PRKAR2B: variants seen among roughly 807,000 people sequenced by gnomAD.
PRKAR2B encodes the protein protein kinase cAMP-dependent type II regulatory subunit beta, also known as cAMP-dependent protein kinase type II-beta regulatory subunit.
In PRKAR2B, 14 loss-of-function variants were observed where a neutral mutation model predicts 49.9. The observed-to-expected ratio is 0.28, with a 90% CI of 0.19 to 0.44. PRKAR2B has a LOEUF of 0.44. Among genes scored for constraint, PRKAR2B ranks in the 20% least tolerant of loss-of-function variants. The pLI is 1.00. For missense variants in PRKAR2B, 393 were observed against 537.9 expected (o/e 0.73, Z 2.67); for synonymous variants, 196 against 197.7 (o/e 0.99, Z 0.07).
chr7:107,108,722 T>C (rs553381601), intron 2 of PRKAR2B, among the ~76,000 whole-genome samples: 2 of 152,336 alleles, frequency 1.3e-5, no homozygotes, highest in African/African-American at 2.4e-5. Context: ...TACAGCCTTA[T>C]AGAGTTAGAG....
intron 2 of PRKAR2B, among the ~76,000 whole-genome samples, chr7:107,120,771 A>G (rs1052500679): frequency 1.3e-5 from 2 of 152,072 alleles, no homozygotes; most frequent in African/African-American, 2.4e-5. Context: ...AAAAATAAAT[A>G]TGCATAATCT....
chr7:107,116,321 C>A (rs1384554607), intron 2 of PRKAR2B, among the ~76,000 whole-genome samples: 1 of 152,170 alleles, frequency 6.6e-6, no homozygotes, highest in Non-Finnish European at 1.5e-5. Flanking sequence ...TCCCTGCCCT[C>A]TGAGCTACCG....
intron 2 of PRKAR2B, among the ~76,000 whole-genome samples, chr7:107,099,070 A>G (rs560183517): frequency 2.0e-5 from 3 of 152,320 alleles, no homozygotes; most frequent in South Asian, 2.1e-4. Context: ...TTAAGTCTGC[A>G]GAAGTTTTTG....
intron 2 of PRKAR2B, among the ~76,000 whole-genome samples, chr7:107,095,384 A>G (rs1280083521): frequency 6.6e-6 from 1 of 152,200 alleles, no homozygotes; most frequent in Non-Finnish European, 1.5e-5. Context: ...GTTGCTTATC[A>G]GCTTAAGGAG....
intron 2 of PRKAR2B, among the ~76,000 whole-genome samples, chr7:107,096,775 G>GT (rs1794847234): frequency 6.6e-6 from 1 of 152,172 alleles, no homozygotes; most frequent in Non-Finnish European, 1.5e-5. Flanking sequence ...GTACCCAGTA[G>GT]TCATTCAGGA....
intron 4 of PRKAR2B, among the ~76,000 whole-genome samples, chr7:107,134,416 A>G (rs1795659449): frequency 6.6e-6 from 1 of 152,236 alleles, no homozygotes. Flanking sequence ...AGCATTGTTT[A>G]TACAAGTTTA....
intron 1 of PRKAR2B, among the ~76,000 whole-genome samples, chr7:107,062,477 T>G (rs769418247): frequency 1.8e-4 from 27 of 152,322 alleles, no homozygotes; most frequent in Admixed American, 4.6e-4. Flanking sequence ...CGAATTAATC[T>G]TATGTTTGCA....
chr7:107,157,087 G>T (rs777302512), intron 9 of PRKAR2B, 38 bp downstream of exon 9: 2 of 1,607,818 alleles, frequency 1.2e-6, no homozygotes, highest in South Asian at 2.2e-5. Context: ...CATACTGTTA[G>T]CAAGGAACAC....
intron 2 of PRKAR2B, among the ~76,000 whole-genome samples, chr7:107,078,641 C>T (rs1190272189): frequency 6.6e-6 from 1 of 151,780 alleles, no homozygotes; most frequent in Admixed American, 6.6e-5. Context: ...CAGCCACTTG[C>T]CCCTCCTGCT....
chr7:107,070,434 T>C (rs1257636779), intron 2 of PRKAR2B, 118 bp downstream of exon 2: 5 of 903,106 alleles, frequency 5.5e-6, no homozygotes, highest in African/African-American at 3.4e-5. Flanking sequence ...TTGTCAGTTA[T>C]TTTTCCCAGA....
At chr7:107,138,085 CTTTA>C (rs904993443) in intron 4 of PRKAR2B, among the ~76,000 whole-genome samples, 11 of 152,062 alleles carry the variant, frequency 7.2e-5, no homozygotes, top group African/African-American at 2.7e-4. Context: ...CTTTTCATCT[CTTTA>C]TTGACTTTTT....
rs930354349 is a variant in PRKAR2B, at chr7:107,125,929, A to G, written c.397-2283A>G. Among the ~76,000 whole-genome samples, 9 of 151,846 alleles carry G rather than the reference A, an allele frequency of 5.9e-5. No individual in the cohort carries two copies. In the East Asian group the frequency reaches 1.7e-3, roughly 29 times the overall value. ...TGGTGAAACCCTGTCTCTAATAAAAATACAAAAATTAGCTGGGCACAGTGG... is the reference window on the plus strand; with the variant it reads ...TGGTGAAACCCTGTCTCTAATAAAAGTACAAAAATTAGCTGGGCACAGTGG... On this transcript the variant is annotated intron_variant, in intron 3 of 10. Transcript: ENST00000265717.
chr7:107,075,436 G>A (rs1039613512), intron 2 of PRKAR2B, among the ~76,000 whole-genome samples: 1 of 148,532 alleles, frequency 6.7e-6, no homozygotes, highest in African/African-American at 2.5e-5. Flanking sequence ...ATTTCACTCT[G>A]TCACCCAGGC....
chr7:107,127,185 AGCTCTGAT>A (rs747327906), intron 3 of PRKAR2B, among the ~76,000 whole-genome samples: 1 of 152,138 alleles, frequency 6.6e-6, no homozygotes, highest in Admixed American at 6.5e-5. Flanking sequence ...TGATTCTGTG[AGCTCTGAT>A]GCTCTGATGG....
At chr7:107,089,733 A>G (rs1314835835) in intron 2 of PRKAR2B, among the ~76,000 whole-genome samples, 1 of 152,254 alleles carries the variant, frequency 6.6e-6, no homozygotes, top group Non-Finnish European at 1.5e-5. Context: ...TTGCAGATTT[A>G]TTCATTTGCT....
intron 1 of PRKAR2B, among the ~76,000 whole-genome samples, chr7:107,058,432 T>A (rs1316231086): frequency 1.3e-5 from 2 of 152,232 alleles, no homozygotes; most frequent in African/African-American, 4.8e-5. Flanking sequence ...TCTCCAAGTC[T>A]TACATTAGTA....
At position 107,066,694 on chromosome 7, in the gene PRKAR2B, G is replaced by C. The variant is rs563545484; in HGVS notation, c.308-3587G>C. 2.0e-5 allele frequency: 3 copies of C among 151,942 alleles called. No homozygotes were observed. The East Asian group carries it at 5.8e-4, about 29-fold the overall frequency. The allele number at this position is 151,942 out of a possible 1,614,324, so 9.4% of individuals were successfully genotyped here. Reference sequence around the variant, plus strand: ...AGCAATTCTCTTGCCTCAGCCTTCCGAGTAGCTGGGATTACAGGTGCTCAC... The same window carrying C: ...AGCAATTCTCTTGCCTCAGCCTTCCCAGTAGCTGGGATTACAGGTGCTCAC... On this transcript the variant is annotated intron_variant, in intron 1 of 10. Transcript: ENST00000265717.
At chr7:107,143,175 G>A (rs565194786) in intron 5 of PRKAR2B, among the ~76,000 whole-genome samples, 10 of 152,304 alleles carry the variant, frequency 6.6e-5, no homozygotes, top group Admixed American at 2.0e-4. Flanking sequence ...CAAAGTAGCC[G>A]AGTGTAGAGA....
intron 4 of PRKAR2B, among the ~76,000 whole-genome samples, chr7:107,134,069 C>T (rs1279696478): frequency 7.2e-5 from 11 of 152,028 alleles, no homozygotes; most frequent in African/African-American, 2.7e-4. Flanking sequence ...CGCTCTGTTG[C>T]CCAGGTTGGA....
Sources: allele counts gnomAD v4.1 joint callset (sites outside exome capture counted in the v4.1 genomes callset), GRCh38; gene constraint gnomAD v4.1.1; transcripts MANE v1.5; gene names NCBI Gene and HGNC (gene_info 2026-07-23, HGNC 2026-07-21).